HNMT: variants seen among roughly 807,000 people sequenced by gnomAD.
HNMT encodes histamine N-methyltransferase.
In HNMT, 30 loss-of-function variants were observed where a neutral mutation model predicts 32.1. That is an observed-to-expected ratio of 0.93 (90% CI 0.70 to 1.27). The LOEUF is 1.27. Ranked by LOEUF, HNMT falls within the 50% of genes most tolerant of loss-of-function variation. HNMT has a pLI of 0.00. For missense variants in HNMT, 327 were observed against 346.0 expected, an observed-to-expected ratio of 0.95 and a Z score of 0.43; for synonymous variants, 125 against 119.0, an observed-to-expected ratio of 1.05 and a Z score of -0.33.
At position 138,014,186 on chromosome 2, in the gene HNMT, A is replaced by G. The variant is rs1573685992; in HGVS notation, c.*56A>G. The G allele has an allele frequency of 9.1e-7, 1 of 1,101,526 alleles. No homozygotes were observed. The highest frequency in any genetic ancestry group is 2.4e-5 in the East Asian group (1 of 40,928). 68.2% of individuals were successfully genotyped at this position (1,101,526 alleles called of 1,614,324 possible). A position where few individuals can be genotyped will look rare whatever the true frequency, so the allele number is the denominator to read the frequency against. ...ATATTTTGAACAACTCGAATCACTCATTTATTTCCATATTAAAATCACAAA... is the reference window on the plus strand; with the variant it reads ...ATATTTTGAACAACTCGAATCACTCGTTTATTTCCATATTAAAATCACAAA... On this transcript the variant is annotated 3_prime_UTR_variant, in exon 6 of 6. Transcript: ENST00000280097.
chr2:137,975,262 G>A (rs912984201), intron 2 of HNMT, among the ~76,000 whole-genome samples: 22 of 152,140 alleles, frequency 1.4e-4, no homozygotes, highest in African/African-American at 5.1e-4. Context: ...TTTAAAGGGG[G>A]AAGAGCAGCA....
intron 2 of HNMT, among the ~76,000 whole-genome samples, chr2:137,990,853 CA>C (rs1677284793): frequency 6.6e-6 from 1 of 151,972 alleles, no homozygotes; most frequent in African/African-American, 2.4e-5. Context: ...CAGATACTTC[CA>C]GGTATCTTCC....
At chr2:137,985,360 AT>A (rs1680622854) in intron 2 of HNMT, among the ~76,000 whole-genome samples, 1 of 152,230 alleles carries the variant, frequency 6.6e-6, no homozygotes, top group African/African-American at 2.4e-5. Context: ...ATTTCACATA[AT>A]GTGCTAGCTA....
intron 3 of HNMT, among the ~76,000 whole-genome samples, chr2:138,001,243 C>A (rs1681161482): frequency 1.3e-5 from 2 of 152,136 alleles, no homozygotes; most frequent in South Asian, 4.1e-4. Flanking sequence ...ATCCATTCCC[C>A]AGTTGTCATC....
At chr2:138,001,068 A>C in intron 3 of HNMT, 43 bp downstream of exon 3, 1 of 977,252 alleles carries the variant, frequency 1.0e-6, no homozygotes, top group Non-Finnish European at 1.6e-6. Flanking sequence ...CCTATCCCAA[A>C]AGACTTAACT....
chr2:138,008,377 A>G (rs1008555825), intron 5 of HNMT, among the ~76,000 whole-genome samples: 33 of 151,812 alleles, frequency 2.2e-4, no homozygotes, highest in African/African-American at 8.0e-4. Context: ...ATTTTCTTTA[A>G]CCACTCTGTC....
intron 5 of HNMT, among the ~76,000 whole-genome samples, chr2:138,012,946 C>T (rs1356627550): frequency 6.6e-6 from 1 of 152,122 alleles, no homozygotes; most frequent in Non-Finnish European, 1.5e-5. Context: ...CTGTTCTCCC[C>T]ACCTCTGCCC....
intron 1 of HNMT, among the ~76,000 whole-genome samples, chr2:137,965,379 T>TAATAATGGA (rs1415218433): frequency 6.6e-6 from 1 of 152,042 alleles, no homozygotes; most frequent in African/African-American, 2.4e-5. Context: ...CTTCAGGAAA[T>TAATAATGGA]AATAATGGAA....
chr2:137,976,265 CA>C (rs1358916029), intron 2 of HNMT, among the ~76,000 whole-genome samples: 3 of 13,548 alleles, frequency 2.2e-4, no homozygotes, highest in South Asian at 8.4e-3. Context: ...GACTCCATCT[CA>C]AAAAAACAAA....
intron 2 of HNMT, among the ~76,000 whole-genome samples, chr2:137,975,826 G>A (rs1376948605): frequency 6.6e-6 from 1 of 152,160 alleles, no homozygotes; most frequent in African/African-American, 2.4e-5. Context: ...AGAAAATACA[G>A]GGAATTGAGG....
At chr2:138,000,478 C>T (rs1339546811) in intron 2 of HNMT, among the ~76,000 whole-genome samples, 3 of 151,692 alleles carry the variant, frequency 2.0e-5, no homozygotes, top group Non-Finnish European at 4.4e-5. Flanking sequence ...TTTTTTTGTA[C>T]TCTTCTGGCC....
intron 1 of HNMT, among the ~76,000 whole-genome samples, chr2:137,966,386 A>G (rs1313584738): frequency 6.6e-6 from 1 of 152,206 alleles, no homozygotes; most frequent in Non-Finnish European, 1.5e-5. Flanking sequence ...ATAATTCAAA[A>G]TAACATGTTA....
At chr2:138,010,710 T>C (rs993418470) in intron 5 of HNMT, among the ~76,000 whole-genome samples, 3 of 152,142 alleles carry the variant, frequency 2.0e-5, no homozygotes, top group African/African-American at 7.2e-5. Context: ...TGATAACTAG[T>C]AGAAGTTCCT....
chr2:137,973,586 T>C (rs937946090), intron 2 of HNMT, among the ~76,000 whole-genome samples: 4 of 152,216 alleles, frequency 2.6e-5, no homozygotes, highest in African/African-American at 9.6e-5. Context: ...TTACAGGTTT[T>C]ATTACCTCAA....
chr2:137,995,562 T>G (rs1372771465), intron 2 of HNMT, among the ~76,000 whole-genome samples: 1 of 152,164 alleles, frequency 6.6e-6, no homozygotes, highest in Non-Finnish European at 1.5e-5. Flanking sequence ...ACCAGATGGA[T>G]TCACAGCTGA....
intron 2 of HNMT, among the ~76,000 whole-genome samples, chr2:137,987,649 G>T (rs2104952547): frequency 9.8e-6 from 1 of 101,986 alleles, no homozygotes; most frequent in East Asian, 3.2e-4. Flanking sequence ...CTCTTATACT[G>T]ATGGCTTATG....
At chr2:138,005,309 T>C (rs1483901111) in intron 5 of HNMT, 84 bp downstream of exon 5, 14 of 780,994 alleles carry the variant, frequency 1.8e-5, no homozygotes, top group Non-Finnish European at 2.6e-5. Context: ...GAAGCTTATA[T>C]ATTTTGTCTT....
At chr2:137,977,222 A>G (rs1209628422) in intron 2 of HNMT, among the ~76,000 whole-genome samples, 1 of 152,204 alleles carries the variant, frequency 6.6e-6, no homozygotes, top group Admixed American at 6.5e-5. Context: ...GATTATTTAC[A>G]ATCTACATAA....
Position 138,005,757 on chromosome 2 carries a change from G to A in HNMT, c.523+532G>A, listed in dbSNP as rs115637499. On this transcript the variant is annotated intron_variant, in intron 5 of 5. Transcript: ENST00000280097. ...GTGTTGGTGTTTTATTTTCCAAGGA[G>A]GCATGTGAGCATGTCCAGTTGCTGC... 4.1e-3 allele frequency among the ~76,000 whole-genome samples: 630 copies of A among 152,020 alleles called. 10 individuals are homozygous for A. The highest frequency in any genetic ancestry group is 0.015 in the African/African-American group (603 of 41,504).
Sources: gnomAD v4.1 joint callset for allele counts (sites outside exome capture counted in the v4.1 genomes callset) on GRCh38, gnomAD v4.1.1 for gene constraint, MANE v1.5 for transcripts, NCBI Gene and HGNC (gene_info 2026-07-23, HGNC 2026-07-21) for gene names.